The following TLL2 variants were observed in gnomAD, a reference collection of about 807,000 sequenced individuals.
TLL2 encodes tolloid like 2, also known as tolloid-like protein 2.
A neutral mutation model predicts 123.0 loss-of-function variants in TLL2; 106 were observed. The observed-to-expected ratio is 0.86, with a 90% CI of 0.74 to 1.01. The LOEUF is 1.01. Among genes scored for constraint, TLL2 ranks in the 50% least tolerant of loss-of-function variants. The probability of loss-of-function intolerance (pLI) is 0.00; values close to 1 mark genes in which losing one functional copy is unlikely to be tolerated. For synonymous variants in TLL2, 494 were observed against 516.8 expected (o/e 0.96, Z 0.60); for missense variants, 1,332 against 1,336.7 (o/e 1.00, Z 0.06).
At chr10:96,465,533 A>G (rs1564912666) in intron 2 of TLL2, among the ~76,000 whole-genome samples, 1 of 152,208 alleles carries the variant, frequency 6.6e-6, no homozygotes, top group Non-Finnish European at 1.5e-5. Flanking sequence ...CCTCAAGAAA[A>G]GGAAGAAAAG....
At chr10:96,474,470 T>C (rs2134100673) in intron 2 of TLL2, among the ~76,000 whole-genome samples, 1 of 152,286 alleles carries the variant, frequency 6.6e-6, no homozygotes, top group East Asian at 1.9e-4. Context: ...GGGGTCTTCA[T>C]TTCCTTATGT....
In TLL2 at chr10:96,422,695, C is replaced by A. The variant is rs1342590405; in HGVS notation, c.671G>T (p.Gly224Val). ...CCSYVGRRGG[G>V]PQAISIGKNC... ...CTTCCCAATGGATATGGCCTGTGGG[C>A]CTCCTCCTCGGCGCCCAACATAGGA... is the stretch of plus-strand genomic sequence containing the variant. Residue 224 changes from glycine to valine, a missense_variant, in exon 6 of 21, where the codon GGC (glycine) becomes GTC (valine). Gly to Val is a moderately radical substitution (Grantham distance 109). Transcript: ENST00000357947. 6.2e-7 allele frequency: 1 copy of A among 1,614,208 alleles called. No homozygotes were observed. Among genetic ancestry groups the A allele is most frequent in the Non-Finnish European group, 8.5e-7 (1 of 1,180,034 alleles).
Position 96,468,243 on chromosome 10 carries a change from C to A in TLL2, c.286+12106G>T, listed in dbSNP as rs555563235. 2.0e-5 allele frequency among the ~76,000 whole-genome samples: 3 copies of A among 152,312 alleles called. No individual in the cohort carries two copies. The East Asian group carries it at 5.8e-4, about 29-fold the overall frequency. On this transcript the variant is annotated intron_variant, in intron 2 of 20. Transcript: ENST00000357947. ...GCCTTCTGCTTCGCTCATTTTATAA[C>A]CCCCTCCCTTAGAGATCTCTTCCAT...
At chr10:96,395,847 T>C (rs768357010) in intron 12 of TLL2, 28 bp downstream of exon 12, 2 of 1,607,492 alleles carry the variant, frequency 1.2e-6, no homozygotes, top group Non-Finnish European at 1.7e-6. Flanking sequence ...TGCCGTTTCC[T>C]TGGGAAGCCG....
chr10:96,426,139 T>C (rs1589419690), intron 5 of TLL2, among the ~76,000 whole-genome samples: 2 of 152,248 alleles, frequency 1.3e-5, no homozygotes, highest in East Asian at 3.9e-4. Flanking sequence ...TATTGAGATA[T>C]GAATATAGCT....
At chr10:96,442,424 G>A (rs944754579) in intron 3 of TLL2, among the ~76,000 whole-genome samples, 3 of 152,174 alleles carry the variant, frequency 2.0e-5, no homozygotes, top group Non-Finnish European at 4.4e-5. Flanking sequence ...CAGCGCTGGC[G>A]CCGACAGCAT....
chr10:96,378,507 T>C (rs1316543590), intron 17 of TLL2, among the ~76,000 whole-genome samples: 1 of 152,256 alleles, frequency 6.6e-6, no homozygotes, highest in African/African-American at 2.4e-5. Flanking sequence ...CATAAATGGC[T>C]GATCTTTATT....
rs1428063629 is a variant in TLL2, at chr10:96,373,589, C to T, written c.2662+7G>A. ...TCAGGTGGAAGCCAGTGTCCCACCC[C>T]AGGTACCTGTGCTGTGCACTGCCTG... is the stretch of plus-strand genomic sequence containing the variant. On this transcript the variant is annotated splice_region_variant and intron_variant, in intron 19 of 20. Coordinates refer to ENST00000357947, the MANE Select transcript of TLL2 (RefSeq NM_012465.4). The T allele has an allele frequency of 6.2e-7, 1 of 1,613,502 alleles. No individual in the cohort carries two copies. Among genetic ancestry groups the T allele is most frequent in the Admixed American group, 1.7e-5 (1 of 60,016 alleles).
rs1377505376 is a variant in TLL2, at chr10:96,384,680, C to G, written c.2101G>C (p.Glu701Gln). 10 of 1,612,972 alleles carry G rather than the reference C, an allele frequency of 6.2e-6. No homozygotes were observed. The East Asian group carries it at 2.2e-4, about 36-fold the overall frequency. The change falls in exon 16 of 21, where the codon GAG becomes CAG. Residue 701 changes from glutamate (E) to glutamine (Q), a missense_variant. Physicochemically the swap from Glu to Gln is conservative, Grantham distance 29. Transcript: ENST00000357947. The stretch of plus-strand genomic sequence containing the variant: ...TTGTTGCTCTGCGAGGTGATGACCT[C>G]CGGCGTCTCAGAGCCGCAGAACCTG... Reference protein sequence around the residue: ...HGRFCGSETPEVITSQSNNMR... With the variant: ...HGRFCGSETPQVITSQSNNMR...
At position 96,368,118 on chromosome 10, in the gene TLL2, C is replaced by G; in HGVS notation, c.3018G>C (p.Lys1006Asn). 1.2e-6 allele frequency: 2 copies of G among 1,614,214 alleles called. No individual in the cohort carries two copies. The highest frequency in any genetic ancestry group is 1.7e-6 in the Non-Finnish European group (2 of 1,180,036). ...KGFHARYTSTKFQDALHMKK is the reference protein window; with the variant it reads ...KGFHARYTSTNFQDALHMKK ...TCTTCATGTGCAGGGCATCCTGGAA[C>G]TTGGTGCTGGTGTATCGGGCATGAA... The change falls in exon 21 of 21, where the codon AAG (lysine) becomes AAC (asparagine). Residue 1006 changes from lysine (K) to asparagine (N), a missense_variant. Transcript: ENST00000357947.
Position 96,395,913 on chromosome 10 carries a change from C to G in TLL2, c.1492G>C (p.Glu498Gln). Residue 498 changes from glutamate (E) to glutamine (Q), a missense_variant, in exon 12 of 21, where the codon GAG becomes CAG. Physicochemically the swap from Glu to Gln is conservative, Grantham distance 29. Coordinates refer to ENST00000357947, the MANE Select transcript of TLL2 (RefSeq NM_012465.4). Reference protein sequence around the residue: ...KECVWRITVSEGFHVGLTFQA... With the variant: ...KECVWRITVSQGFHVGLTFQA... Reference sequence around the variant, plus strand: ...AAGGTAAGTCCCACGTGAAACCCCTCTGAAACCGTAATCCTCCAGACACAT... The same window carrying G: ...AAGGTAAGTCCCACGTGAAACCCCTGTGAAACCGTAATCCTCCAGACACAT... The G allele has an allele frequency of 6.2e-7, 1 of 1,614,212 alleles. No individual in the cohort carries two copies. Among genetic ancestry groups the G allele is most frequent in the Non-Finnish European group, 8.5e-7 (1 of 1,180,042 alleles).
At chr10:96,482,114 T>C (rs1349036861) in intron 1 of TLL2, among the ~76,000 whole-genome samples, 1 of 151,994 alleles carries the variant, frequency 6.6e-6, no homozygotes, top group African/African-American at 2.4e-5. Context: ...AAAAATTAGC[T>C]GGGCATGGTG....
chr10:96,503,593 T>C (rs1426278681), intron 1 of TLL2, among the ~76,000 whole-genome samples: 24 of 152,198 alleles, frequency 1.6e-4, no homozygotes, highest in African/African-American at 5.8e-4. Context: ...CATCGAAGTC[T>C]TCTCCCTGTG....
intron 1 of TLL2, among the ~76,000 whole-genome samples, chr10:96,497,356 T>C (rs1403665093): frequency 6.6e-6 from 1 of 152,120 alleles, no homozygotes; most frequent in Middle Eastern, 3.2e-3. Context: ...GTCCAGGTAA[T>C]AGCTGGGGCA....
intron 2 of TLL2, among the ~76,000 whole-genome samples, chr10:96,451,786 G>A (rs750713858): frequency 1.5e-4 from 23 of 152,088 alleles, no homozygotes; most frequent in Non-Finnish European, 3.1e-4. Flanking sequence ...GGGACACACC[G>A]CCATTGGGTG....
At position 96,420,952 on chromosome 10, in the gene TLL2, C is replaced by A; in HGVS notation, c.923+4G>T. The A allele has an allele frequency of 6.2e-7, 1 of 1,613,692 alleles. No individual in the cohort carries two copies. On this transcript the variant is annotated splice_donor_region_variant and intron_variant, in intron 7 of 20. Coordinates refer to ENST00000357947, the MANE Select transcript of TLL2 (RefSeq NM_012465.4). ...ACAGACGAGGCATAAGCATAGATTC[C>A]GACCTTGAGAAGGTGTTCCGGGCGT...
In TLL2 at chr10:96,428,551, C is replaced by T. The variant is rs568541790; in HGVS notation, c.638+80G>A. The T allele has an allele frequency of 1.6e-5, 14 of 901,306 alleles. No homozygotes were observed. In the African/African-American group the frequency reaches 2.0e-4, roughly 13 times the overall value. 55.8% of individuals were successfully genotyped at this position (901,306 alleles called of 1,614,324 possible). ...TCTAAATAACAGCTCATTGGAAATA[C>T]TTAGGTTTACAGAGAAAATTCAACA... On this transcript the variant is annotated intron_variant, in intron 5 of 20. Coordinates refer to ENST00000357947, the MANE Select transcript of TLL2 (RefSeq NM_012465.4).
intron 10 of TLL2, among the ~76,000 whole-genome samples, chr10:96,400,658 G>C (rs944182374): frequency 1.3e-5 from 2 of 152,210 alleles, no homozygotes; most frequent in Non-Finnish European, 2.9e-5. Context: ...GGCCAGCCTG[G>C]CCTTTCTGAA....
intron 9 of TLL2, among the ~76,000 whole-genome samples, chr10:96,408,288 T>C (rs1382520661): frequency 6.6e-6 from 1 of 152,206 alleles, no homozygotes; most frequent in Non-Finnish European, 1.5e-5. Context: ...AGTACATTAG[T>C]GAACCATAAA....
Sources: gnomAD v4.1 joint callset for allele counts (sites outside exome capture counted in the v4.1 genomes callset) on GRCh38, gnomAD v4.1.1 for gene constraint, MANE v1.5 for transcripts, NCBI Gene and HGNC (gene_info 2026-07-23, HGNC 2026-07-21) for gene names.